Variants in RAD54B observed in about 807,000 individuals in gnomAD.
RAD54B encodes the protein DNA repair and recombination protein RAD54B.
RAD54B carries 78 observed loss-of-function variants against 95.8 expected under a neutral mutation model. That is an observed-to-expected ratio of 0.81 (90% CI 0.68 to 0.98). RAD54B has a LOEUF of 0.98. RAD54B is among the 50% of genes least tolerant of loss of function. The probability of loss-of-function intolerance (pLI) is 0.00; values close to 1 mark genes in which losing one functional copy is unlikely to be tolerated. For missense variants in RAD54B, 957 were observed against 1,056.6 expected (o/e 0.91, Z 1.31); for synonymous variants, 328 against 354.9 (o/e 0.92, Z 0.85).
rs1371789954 is a variant in RAD54B at position 94,399,476 on chromosome 8, C to T, written c.1316G>A (p.Ser439Asn). 6.2e-7 allele frequency: 1 copy of T among 1,613,608 alleles called. No individual in the cohort carries two copies. Among genetic ancestry groups the T allele is most frequent in the Non-Finnish European group, 8.5e-7 (1 of 1,179,664 alleles). The stretch of plus-strand genomic sequence containing the variant: ...GAGGGCTGTAGTTGTCTTAATGGCA[C>T]TGTTCTTCAAACGATGCCCCTCGTC... Reference protein sequence around the residue: ...ICDEGHRLKNSAIKTTTALIS... With the variant: ...ICDEGHRLKNNAIKTTTALIS... Residue 439 changes from serine to asparagine, a missense_variant, in exon 8 of 15, where the codon AGT becomes AAT. Ser to Asn is a conservative substitution (Grantham distance 46). Transcript: ENST00000336148.
At position 94,393,788 on chromosome 8, in the gene RAD54B, T is replaced by A. The variant is rs763732790; in HGVS notation, c.1473A>T (p.Ile491=). ...TCGATAAAATGATGGGTTCTTCATA[T>A]ATTTTCCTATAAGATGACAAAGAGC... ...ILGSLSSYRK[I]YEEPIILSRE... The change falls in exon 9 of 15, where the codon ATA becomes ATT. Residue 491 remains isoleucine, a synonymous_variant. Coordinates refer to ENST00000336148, the MANE Select transcript of RAD54B (RefSeq NM_012415.3). The A allele has an allele frequency of 1.3e-6, 2 of 1,585,152 alleles. No individual in the cohort carries two copies. Among genetic ancestry groups the A allele is most frequent in the South Asian group, 1.1e-5 (1 of 89,936 alleles).
At chr8:94,456,900 C>T (rs1812792205) in intron 3 of RAD54B, among the ~76,000 whole-genome samples, 2 of 152,142 alleles carry the variant, frequency 1.3e-5, no homozygotes, top group African/African-American at 4.8e-5. Context: ...AGGAGGTTGG[C>T]ACAGGTTCTC....
intron 14 of RAD54B, among the ~76,000 whole-genome samples, chr8:94,377,221 C>T (rs547017214): frequency 3.4e-4 from 52 of 151,978 alleles, no homozygotes; most frequent in Admixed American, 8.5e-4. Context: ...TGTTTTTTTG[C>T]GAAAGAGAAA....
At chr8:94,378,834 C>G (rs1263474021) in intron 12 of RAD54B, among the ~76,000 whole-genome samples, 200 bp from the exon 13 acceptor site, 1 of 152,220 alleles carries the variant, frequency 6.6e-6, no homozygotes, top group Non-Finnish European at 1.5e-5. Flanking sequence ...TGAACACTTA[C>G]TATGGTACTG....
At chr8:94,436,504 T>C (rs942047123) in intron 3 of RAD54B, 21 of 1,545,244 alleles carry the variant, frequency 1.4e-5, no homozygotes, top group Middle Eastern at 1.7e-4. Context: ...CCTTTGTATG[T>C]GGTTCCTGTC....
At chr8:94,384,357 A>C (rs189597794) in intron 11 of RAD54B, among the ~76,000 whole-genome samples, 1 of 152,330 alleles carries the variant, frequency 6.6e-6, no homozygotes, top group African/African-American at 2.4e-5. Flanking sequence ...CAACATGGAT[A>C]AACCTGGAGG....
At position 94,404,158 on chromosome 8, in the gene RAD54B, AT is replaced by A; in HGVS notation, c.862del (p.Ile288LeufsTer24). 1.2e-6 allele frequency: 2 copies of A among 1,611,226 alleles called. No individual in the cohort carries two copies. The highest frequency in any genetic ancestry group is 1.7e-6 in the Non-Finnish European group (2 of 1,177,760). On this transcript the variant is annotated frameshift_variant, in exon 6 of 15. Transcript: ENST00000336148. LOFTEE classifies it high-confidence loss of function. ...KNCFPLVDVV[I>X]DPYLVYHLRP... Reference sequence around the variant, plus strand: ...AAGATGATATACAAGGTAAGGATCAATCACTACATCCACAAGAGGGAAACAG... The same window carrying A: ...AAGATGATATACAAGGTAAGGATCAACACTACATCCACAAGAGGGAAACAG...
chr8:94,458,072 A>T (rs186999858), intron 3 of RAD54B, among the ~76,000 whole-genome samples, 196 bp downstream of exon 3: 16 of 152,338 alleles, frequency 1.1e-4, no homozygotes, highest in Admixed American at 9.8e-4. Context: ...ATCTACTATA[A>T]AGCACTTTAA....
At chr8:94,447,964 T>C (rs547321444) in intron 3 of RAD54B, among the ~76,000 whole-genome samples, 1 of 152,334 alleles carries the variant, frequency 6.6e-6, no homozygotes, top group Admixed American at 6.5e-5. Context: ...TTCAGTTATA[T>C]AAGCTAGTAT....
chr8:94,436,769 T>C, intron 3 of RAD54B: 2 of 1,550,490 alleles, frequency 1.3e-6, no homozygotes, highest in Non-Finnish European at 1.7e-6. Context: ...GAATGTTTAT[T>C]AGTGTGTTCT....
chr8:94,435,957 T>G (rs989554252), intron 3 of RAD54B, among the ~76,000 whole-genome samples: 2 of 152,158 alleles, frequency 1.3e-5, no homozygotes, highest in Admixed American at 1.3e-4. Flanking sequence ...TAATTTAAAC[T>G]GTCTTCATAT....
chr8:94,387,041 T>C lies in RAD54B; in HGVS notation c.1928A>G (p.Lys643Arg). The change falls in exon 11 of 15, where the codon AAA (lysine) becomes AGA (arginine). Residue 643 changes from lysine (K) to arginine (R), a missense_variant. Lys to Arg is a conservative substitution (Grantham distance 26). Coordinates refer to ENST00000336148, the MANE Select transcript of RAD54B (RefSeq NM_012415.3). ...TAAGAGCTTGGACAACACCTGTAGT[T>C]TTCCTGACTCCTTTTCAGTAAACAG... ...PLLFTEKESG[K>R]LQVLSKLLAV... 6.2e-7 allele frequency: 1 copy of C among 1,613,476 alleles called. No individual in the cohort carries two copies.
chr8:94,376,099 A>C (rs144581269), intron 14 of RAD54B, among the ~76,000 whole-genome samples: 2 of 152,282 alleles, frequency 1.3e-5, no homozygotes, highest in African/African-American at 4.8e-5. Context: ...AGAATTCTAC[A>C]CTAGGCAATT....
At chr8:94,380,514 T>A in intron 11 of RAD54B, 108 bp from the exon 12 acceptor site, 1 of 1,100,390 alleles carries the variant, frequency 9.1e-7, no homozygotes, top group Non-Finnish European at 1.3e-6. Context: ...TGAGAGAACA[T>A]GCAACAATGA....
intron 13 of RAD54B, 94 bp from the exon 14 acceptor site, chr8:94,378,474 A>G: frequency 7.0e-7 from 1 of 1,423,386 alleles, no homozygotes. Flanking sequence ...TTAATAAAAT[A>G]ACAATATATT....
intron 12 of RAD54B, 125 bp downstream of exon 12, chr8:94,380,020 G>T: frequency 9.5e-7 from 1 of 1,053,014 alleles, no homozygotes; most frequent in Non-Finnish European, 1.3e-6. Context: ...TTAGGAGAGT[G>T]CCTCACGCAA....
intron 14 of RAD54B, among the ~76,000 whole-genome samples, chr8:94,377,820 C>CAA (rs568808087): frequency 6.8e-6 from 1 of 146,982 alleles, no homozygotes; most frequent in South Asian, 2.2e-4. Flanking sequence ...ACTAAAAATA[C>CAA]AAAAAATTAG....
Position 94,417,548 on chromosome 8 carries a change from C to T in RAD54B, c.305-6233G>A, listed in dbSNP as rs115346811. ...ATAGAGCAACTGAAAATATCATATCCTGCTGGAAGGAATGTCAAACAGTAC... is the reference window on the plus strand; with the variant it reads ...ATAGAGCAACTGAAAATATCATATCTTGCTGGAAGGAATGTCAAACAGTAC... On this transcript the variant is annotated intron_variant, in intron 3 of 14. Coordinates refer to ENST00000336148, the MANE Select transcript of RAD54B (RefSeq NM_012415.3). 3.6e-3 allele frequency among the ~76,000 whole-genome samples: 543 copies of T among 151,798 alleles called. 2 individuals carry two copies. The highest frequency in any genetic ancestry group is 0.012 in the African/African-American group (507 of 41,422).
At chr8:94,433,733 A>C (rs920452831) in intron 3 of RAD54B, among the ~76,000 whole-genome samples, 2 of 151,870 alleles carry the variant, frequency 1.3e-5, no homozygotes, top group Non-Finnish European at 2.9e-5. Flanking sequence ...TGCCTAACTT[A>C]AAAATAAAAG....
Sources: gnomAD v4.1 joint callset for allele counts (sites outside exome capture counted in the v4.1 genomes callset) on GRCh38, gnomAD v4.1.1 for gene constraint, MANE v1.5 for transcripts, NCBI Gene and HGNC (gene_info 2026-07-23, HGNC 2026-07-21) for gene names.